The following PTPN13 variants were observed in gnomAD, a reference collection of about 807,000 sequenced individuals.
PTPN13 encodes protein tyrosine phosphatase non-receptor type 13.
A neutral mutation model predicts 284.0 loss-of-function variants in PTPN13; 191 were observed. That is an observed-to-expected ratio of 0.67 (90% CI 0.60 to 0.76). PTPN13 has a LOEUF of 0.76. PTPN13 is among the 30% of genes least tolerant of loss of function. PTPN13 has a pLI of 0.00. For synonymous variants in PTPN13, 986 were observed against 1,022.3 expected, an observed-to-expected ratio of 0.96 and a Z score of 0.68; for missense variants, 2,797 against 2,939.9, an observed-to-expected ratio of 0.95 and a Z score of 1.12.
chr4:86,735,827 G>C, intron 15 of PTPN13, 81 bp downstream of exon 15: 1 of 1,294,602 alleles, frequency 7.7e-7, no homozygotes, highest in Non-Finnish European at 1.1e-6. Flanking sequence ...ATATCTAAGA[G>C]TTCAAGTGCC....
intron 1 of PTPN13, among the ~76,000 whole-genome samples, chr4:86,598,627 T>G (rs561977082): frequency 6.6e-6 from 1 of 152,314 alleles, no homozygotes; most frequent in Admixed American, 6.5e-5. Context: ...GAAAAGGCCC[T>G]CTTTACCTAC....
At position 86,701,378 on chromosome 4, in the gene PTPN13, A is replaced by C. The variant is rs1326057949; in HGVS notation, c.772A>C (p.Ile258Leu). The C allele has an allele frequency of 2.5e-6, 4 of 1,613,228 alleles. No homozygotes were observed. The highest frequency in any genetic ancestry group is 3.3e-5 in the Admixed American group (2 of 59,954). The change falls in exon 7 of 48, where the codon ATT becomes CTT. Residue 258 changes from isoleucine (I) to leucine (L), a missense_variant. Physicochemically the swap from Ile to Leu is conservative, Grantham distance 5 (BLOSUM62 2). Transcript: ENST00000411767. ...DTQDENYFKD[I>L]LSDNSGREDS... is the part of the protein sequence containing the mutation. Reference sequence around the variant, plus strand: ...ACAAGATGAGAATTATTTCAAGGACATTTTATCAGATAATTCTGGACGTGA... The same window carrying C: ...ACAAGATGAGAATTATTTCAAGGACCTTTTATCAGATAATTCTGGACGTGA...
rs1578699072 is a variant in PTPN13, at chr4:86,796,897, A to G, written c.6369A>G (p.Glu2123=). ...AGGCCACCAAAATGAATGGCTGTGA[A>G]GAATATTGTGAAGAAAAAGTAAAAA... ...FTEATKMNGC[E]EYCEEKVKSE... is the part of the protein sequence containing the mutation. Residue 2123 remains glutamate, a synonymous_variant, in exon 41 of 48, where the codon GAA becomes GAG. Transcript: ENST00000411767. 6.7e-7 allele frequency: 1 copy of G among 1,491,666 alleles called. No individual in the cohort carries two copies. Among genetic ancestry groups the G allele is most frequent in the South Asian group, 1.2e-5 (1 of 83,404 alleles). 92.4% of individuals were successfully genotyped at this position (1,491,666 alleles called of 1,614,324 possible).
chr4:86,769,551 C>T (rs547336755), intron 28 of PTPN13, among the ~76,000 whole-genome samples: 32 of 152,222 alleles, frequency 2.1e-4, no homozygotes, highest in Admixed American at 1.7e-3. Flanking sequence ...AATCAAACAG[C>T]TTAGTTCATG....
At chr4:86,681,516 T>C (rs781187744) in intron 3 of PTPN13, among the ~76,000 whole-genome samples, 50 of 152,196 alleles carry the variant, frequency 3.3e-4, no homozygotes, top group Non-Finnish European at 5.7e-4. Context: ...CAATCCCGAA[T>C]GTCAGTAGTG....
intron 5 of PTPN13, 90 bp from the exon 6 acceptor site, chr4:86,693,497 T>C: frequency 1.4e-6 from 1 of 699,682 alleles, no homozygotes; most frequent in South Asian, 2.7e-5. Flanking sequence ...CTCCAAAAAC[T>C]GTGTAACTAG....
chr4:86,805,724 A>G (rs1428151151), intron 44 of PTPN13, among the ~76,000 whole-genome samples: 11 of 152,196 alleles, frequency 7.2e-5, no homozygotes, highest in Admixed American at 7.2e-4. Flanking sequence ...TTCATTTATC[A>G]CAACCACCAT....
rs770106375 is a variant in PTPN13 at position 86,803,803 on chromosome 4, C to T, written c.6600C>T (p.Val2200=). 1.2e-6 allele frequency: 2 copies of T among 1,613,910 alleles called. No individual in the cohort carries two copies. Among genetic ancestry groups the T allele is most frequent in the Non-Finnish European group, 1.7e-6 (2 of 1,179,830 alleles). ...GKYTGANLKS[V]IRVLRGLLDQ... ...ACACGGGTGCCAACTTAAAATCAGTCATTCGAGTCCTGCGGGGTTTGCTAG... is the reference window on the plus strand; with the variant it reads ...ACACGGGTGCCAACTTAAAATCAGTTATTCGAGTCCTGCGGGGTTTGCTAG... Residue 2200 remains valine (V), a synonymous_variant, in exon 43 of 48, where the codon GTC becomes GTT. Coordinates refer to ENST00000411767, the MANE Select transcript of PTPN13 (RefSeq NM_080683.3).
intron 40 of PTPN13, among the ~76,000 whole-genome samples, chr4:86,787,755 A>C (rs1742159468): frequency 6.6e-6 from 1 of 152,166 alleles, no homozygotes; most frequent in Non-Finnish European, 1.5e-5. Flanking sequence ...ATGGTTCTGA[A>C]TTTGGTTTTC....
intron 2 of PTPN13, among the ~76,000 whole-genome samples, chr4:86,640,066 T>G (rs2037144286): frequency 6.6e-6 from 1 of 152,106 alleles, no homozygotes; most frequent in Non-Finnish European, 1.5e-5. Flanking sequence ...GGGAAGAGTG[T>G]TTGGGGACAG....
rs1409789494 is a variant in PTPN13 at position 86,638,199 on chromosome 4, A to G, written c.115+2828A>G. Reference sequence around the variant, plus strand: ...AAAGAGGATACAAACAAATGGAAGAATATTCCATGCTCATGGGTAGGAAGA... The same window carrying G: ...AAAGAGGATACAAACAAATGGAAGAGTATTCCATGCTCATGGGTAGGAAGA... On this transcript the variant is annotated intron_variant, in intron 2 of 47. Transcript: ENST00000411767. 2.0e-5 allele frequency among the ~76,000 whole-genome samples: 3 copies of G among 152,232 alleles called. No individual in the cohort carries two copies. In the East Asian group the frequency reaches 5.8e-4, roughly 29 times the overall value.
intron 2 of PTPN13, among the ~76,000 whole-genome samples, chr4:86,645,027 G>A (rs952546681): frequency 2.6e-5 from 4 of 151,994 alleles, no homozygotes; most frequent in Non-Finnish European, 5.9e-5. Flanking sequence ...TGCGAAACAC[G>A]GTGAAACCTC....
intron 7 of PTPN13, among the ~76,000 whole-genome samples, chr4:86,712,838 G>A (rs1732576266): frequency 6.6e-6 from 1 of 151,946 alleles, no homozygotes; most frequent in Non-Finnish European, 1.5e-5. Context: ...GGAACCCAGA[G>A]ATTGAAAAAA....
At chr4:86,746,775 C>T (rs146000543) in intron 17 of PTPN13, among the ~76,000 whole-genome samples, 2 of 152,130 alleles carry the variant, frequency 1.3e-5, no homozygotes, top group Non-Finnish European at 1.5e-5. Context: ...GGATTACAGG[C>T]ACCCGCCACC....
At chr4:86,672,580 G>C (rs1232561770) in intron 3 of PTPN13, 37 bp downstream of exon 3, 7 of 1,493,368 alleles carry the variant, frequency 4.7e-6, no homozygotes, top group Non-Finnish European at 6.4e-6. Flanking sequence ...TTTTTATTTG[G>C]GTGGGGATAG....
intron 45 of PTPN13, among the ~76,000 whole-genome samples, chr4:86,809,420 G>A (rs780214374): frequency 2.0e-5 from 3 of 152,088 alleles, no homozygotes; most frequent in Non-Finnish European, 2.9e-5. Context: ...AATTGTGGCC[G>A]GGCACAGTGG....
rs1735307330 is a variant in PTPN13 at position 86,734,758 on chromosome 4, G to A, written c.2034G>A (p.Gln678=). The A allele has an allele frequency of 1.2e-6, 2 of 1,613,052 alleles. No individual in the cohort carries two copies. The highest frequency in any genetic ancestry group is 1.1e-5 in the South Asian group (1 of 90,942). The change falls in exon 14 of 48, where the codon CAG becomes CAA. Residue 678 remains glutamine, a synonymous_variant. Transcript: ENST00000411767. ...SLIQHTLTCH[Q]YYLQLRKDIL... is the part of the protein sequence containing the mutation. ...TCAGACATACTCTGACGTGTCATCAGTATTACCTTCAGCTTCGAAAAGATA... is the reference window on the plus strand; with the variant it reads ...TCAGACATACTCTGACGTGTCATCAATATTACCTTCAGCTTCGAAAAGATA...
At chr4:86,663,949 A>G (rs1213908194) in intron 2 of PTPN13, among the ~76,000 whole-genome samples, 1 of 152,192 alleles carries the variant, frequency 6.6e-6, no homozygotes, top group Non-Finnish European at 1.5e-5. Flanking sequence ...ATACCAGTTA[A>G]TTGACATATA....
chr4:86,643,325 T>C (rs970156238), intron 2 of PTPN13, among the ~76,000 whole-genome samples: 3 of 152,226 alleles, frequency 2.0e-5, no homozygotes, highest in East Asian at 1.9e-4. Flanking sequence ...GTGTTTCTTA[T>C]ATTCTTTGAA....
Sources: allele counts gnomAD v4.1 joint callset (sites outside exome capture counted in the v4.1 genomes callset), GRCh38; gene constraint gnomAD v4.1.1; transcripts MANE v1.5; gene names NCBI Gene and HGNC (gene_info 2026-07-23, HGNC 2026-07-21).